The following CACHD1 variants were observed in gnomAD, a reference collection of about 807,000 sequenced individuals.
The protein encoded by CACHD1 is cache domain containing 1, also known as VWFA and cache domain-containing protein 1.
A neutral mutation model predicts 138.7 loss-of-function variants in CACHD1; 71 were observed. The observed-to-expected ratio is 0.51, with a 90% confidence interval of 0.42 to 0.62. The LOEUF is 0.62. Among genes scored for constraint, CACHD1 ranks in the 20% least tolerant of loss-of-function variants. CACHD1 has a pLI of 0.00. For synonymous variants in CACHD1, 578 were observed against 591.5 expected (o/e 0.98, Z 0.33); for missense variants, 1,389 against 1,625.3 (o/e 0.85, Z 2.50).
At chr1:64,663,564 AAG>A in intron 13 of CACHD1, 129 bp from the exon 14 acceptor site, 2 of 1,210,170 alleles carry the variant, frequency 1.7e-6, no homozygotes, top group Non-Finnish European at 1.2e-6. Flanking sequence ...AAAAAAAAAA[AAG>A]AAAAAAAGGA....
chr1:64,551,580 C>T (rs760876317), intron 2 of CACHD1, among the ~76,000 whole-genome samples: 5 of 152,156 alleles, frequency 3.3e-5, no homozygotes, highest in Non-Finnish European at 7.4e-5. Context: ...CTATAGTAAA[C>T]TGCATACGAT....
At chr1:64,633,595 T>TG in intron 6 of CACHD1, among the ~76,000 whole-genome samples, 1 of 152,228 alleles carries the variant, frequency 6.6e-6, no homozygotes, top group East Asian at 1.9e-4. Flanking sequence ...CTAATGATAA[T>TG]CTATTGCCTG....
intron 1 of CACHD1, among the ~76,000 whole-genome samples, chr1:64,481,941 A>AG (rs1205075381): frequency 3.3e-5 from 5 of 152,208 alleles, no homozygotes; most frequent in African/African-American, 1.2e-4. Context: ...GATTCTATAT[A>AG]GGAAAAAATA....
At chr1:64,513,976 G>A (rs766759726) in intron 1 of CACHD1, among the ~76,000 whole-genome samples, 2 of 152,166 alleles carry the variant, frequency 1.3e-5, no homozygotes, top group South Asian at 2.1e-4. Flanking sequence ...GCCAGTTTGC[G>A]GTTTCTGTTC....
intron 11 of CACHD1, 80 bp downstream of exon 11, chr1:64,653,961 A>G: frequency 1.6e-6 from 2 of 1,230,662 alleles, no homozygotes; most frequent in Admixed American, 2.0e-5. Context: ...TATTTACTAC[A>G]GAGTATAAAA....
chr1:64,676,886 C>A lies in CACHD1; in HGVS notation c.2976-9C>A. ...GTCGTCTTAACCTCCAGACTTACCT[C>A]CTGCACAGAAACCCCAGCTGCGAGG... On this transcript the variant is annotated splice_polypyrimidine_tract_variant and intron_variant, in intron 21 of 26. Coordinates refer to ENST00000651257, the MANE Select transcript of CACHD1 (RefSeq NM_020925.4). The A allele has an allele frequency of 6.2e-7, 1 of 1,611,510 alleles. No individual in the cohort carries two copies. The highest frequency in any genetic ancestry group is 8.5e-7 in the Non-Finnish European group (1 of 1,178,230).
chr1:64,493,504 T>G (rs993371817), intron 1 of CACHD1, among the ~76,000 whole-genome samples: 2 of 152,366 alleles, frequency 1.3e-5, no homozygotes, highest in East Asian at 3.9e-4. Context: ...AAGTGCATAT[T>G]ACCACATAGG....
In CACHD1 at chr1:64,564,947, A is replaced by T. The variant is rs78555388; in HGVS notation, c.261+14291A>T. The stretch of plus-strand genomic sequence containing the variant: ...ATGGTTAGACAAGAGCGGGTACAGA[A>T]GAGTTGAGCACTAGGCAGGTATTTA... On this transcript the variant is annotated intron_variant, in intron 2 of 26. Transcript: ENST00000651257. 4.2e-3 allele frequency among the ~76,000 whole-genome samples: 643 copies of T among 152,022 alleles called. 4 individuals carry two copies. The highest frequency in any genetic ancestry group is 6.8e-3 in the Middle Eastern group (2 of 294).
chr1:64,629,562 C>T (rs976282087), intron 5 of CACHD1, 81 bp downstream of exon 5: 10 of 1,472,846 alleles, frequency 6.8e-6, no homozygotes, highest in Middle Eastern at 1.8e-4. Context: ...CATTTCTACT[C>T]ATGGCTATGC....
At chr1:64,612,147 CAT>C (rs1301880589) in intron 4 of CACHD1, among the ~76,000 whole-genome samples, 2 of 152,162 alleles carry the variant, frequency 1.3e-5, no homozygotes, top group Non-Finnish European at 2.9e-5. Context: ...TTCTCCCTAA[CAT>C]GTGAGGATTA....
At chr1:64,685,188 A>G (rs1021986397) in intron 26 of CACHD1, among the ~76,000 whole-genome samples, 4 of 152,224 alleles carry the variant, frequency 2.6e-5, no homozygotes, top group African/African-American at 9.7e-5. Context: ...AAATACCTAT[A>G]GTATTACCTA....
At chr1:64,574,305 G>C (rs1646949920) in intron 2 of CACHD1, among the ~76,000 whole-genome samples, 1 of 152,104 alleles carries the variant, frequency 6.6e-6, no homozygotes, top group African/African-American at 2.4e-5. Flanking sequence ...TAGCTCCCAG[G>C]GTTGTTATAA....
intron 2 of CACHD1, among the ~76,000 whole-genome samples, chr1:64,569,430 A>G (rs191934107): frequency 6.6e-6 from 1 of 152,228 alleles, no homozygotes; most frequent in East Asian, 1.9e-4. Flanking sequence ...TTTGAGCAAA[A>G]CCACAGATTA....
At chr1:64,579,154 G>A (rs1646992296) in intron 2 of CACHD1, among the ~76,000 whole-genome samples, 1 of 152,136 alleles carries the variant, frequency 6.6e-6, no homozygotes, top group African/African-American at 2.4e-5. Flanking sequence ...AAATGATCAT[G>A]TTCCAATAAA....
intron 2 of CACHD1, among the ~76,000 whole-genome samples, chr1:64,559,658 A>G (rs541309655): frequency 6.6e-6 from 1 of 151,404 alleles, no homozygotes; most frequent in Admixed American, 6.6e-5. Flanking sequence ...TTAAAAAAAC[A>G]AAATAAACAA....
chr1:64,666,098 C>T lies in CACHD1; in HGVS notation c.2318C>T (p.Thr773Ile). ...GCTAATCCAGGGTTGATTTCTTTGA[C>T]TGGTCCTTACTTAGATGTTGGAGGA... is the stretch of plus-strand genomic sequence containing the variant. The part of the protein sequence containing the change: ...AVANPGLISL[T>I]GPYLDVGGAG... Residue 773 changes from threonine (T) to isoleucine (I), a missense_variant, in exon 16 of 27, where the codon ACT (threonine) becomes ATT (isoleucine). Around this residue, in one of 5 missense-constraint regions of CACHD1, gnomAD observed 1,000 missense variants for 1,114.7 expected, o/e 0.90. Transcript: ENST00000651257. The T allele has an allele frequency of 6.2e-7, 1 of 1,612,964 alleles. No homozygotes were observed. Among genetic ancestry groups the T allele is most frequent in the Non-Finnish European group, 8.5e-7 (1 of 1,178,998 alleles).
intron 12 of CACHD1, among the ~76,000 whole-genome samples, chr1:64,655,760 AG>A (rs1649241383): frequency 6.6e-6 from 1 of 152,158 alleles, no homozygotes; most frequent in South Asian, 2.1e-4. Context: ...GTGCTGTTGA[AG>A]GACCCTAAAT....
At chr1:64,621,303 A>G (rs1205818750) in intron 4 of CACHD1, among the ~76,000 whole-genome samples, 2 of 151,906 alleles carry the variant, frequency 1.3e-5, no homozygotes, top group African/African-American at 4.8e-5. Context: ...TTCCATATAT[A>G]TGGTCTTGGG....
At chr1:64,640,731 A>ACT (rs1259111589) in intron 7 of CACHD1, among the ~76,000 whole-genome samples, 1 of 121,170 alleles carries the variant, frequency 8.3e-6, no homozygotes, top group African/African-American at 3.1e-5. Context: ...ACACACACAC[A>ACT]CTCTCAACAT....
Sources: allele counts gnomAD v4.1 joint callset (sites outside exome capture counted in the v4.1 genomes callset), GRCh38; gene constraint gnomAD v4.1.1; regional missense constraint gnomAD v4.1.1; transcripts MANE v1.5; gene names NCBI Gene and HGNC (gene_info 2026-07-23, HGNC 2026-07-21).